TGFBR1: variants seen among roughly 807,000 people sequenced by gnomAD.
The protein encoded by TGFBR1 is transforming growth factor beta receptor 1.
In TGFBR1, 20 loss-of-function variants were observed where a neutral mutation model predicts 55.1. The observed-to-expected ratio is 0.36, with a 90% CI of 0.26 to 0.53. TGFBR1 has a LOEUF of 0.53. TGFBR1 is among the 20% of genes least tolerant of loss of function. The pLI is 0.91. For synonymous variants in TGFBR1, 220 were observed against 214.8 expected (o/e 1.02, Z -0.21); for missense variants, 385 against 617.6 (o/e 0.62, Z 3.99).
chr9:99,123,475 C>CTAAA (rs1157673369), intron 1 of TGFBR1, among the ~76,000 whole-genome samples: 1 of 151,952 alleles, frequency 6.6e-6, no homozygotes, highest in East Asian at 1.9e-4. Flanking sequence ...CAAATCAGGT[C>CTAAA]CACCTGGGAG....
chr9:99,112,308 T>C (rs2118300988), intron 1 of TGFBR1, among the ~76,000 whole-genome samples: 1 of 152,262 alleles, frequency 6.6e-6, no homozygotes, highest in East Asian at 1.9e-4. Flanking sequence ...TTGTGTGCTC[T>C]TCCCTCACAT....
At chr9:99,144,356 A>C (rs1827723838) in intron 5 of TGFBR1, among the ~76,000 whole-genome samples, 1 of 152,216 alleles carries the variant, frequency 6.6e-6, no homozygotes, top group Admixed American at 6.5e-5. Flanking sequence ...AATACTGAGT[A>C]CATTGCAGTT....
At chr9:99,128,783 T>C (rs1265932627) in intron 1 of TGFBR1, 72 bp from the exon 2 acceptor site, 1 of 1,571,914 alleles carries the variant, frequency 6.4e-7, no homozygotes, top group African/African-American at 1.3e-5. Flanking sequence ...GAATGTATTA[T>C]TAGAGTGAAT....
chr9:99,147,573 A>G, intron 7 of TGFBR1, 81 bp from the exon 8 acceptor site: 1 of 1,295,490 alleles, frequency 7.7e-7, no homozygotes, highest in Non-Finnish European at 1.1e-6. Context: ...ACACTGTAAT[A>G]GGTCTCTCAG....
intron 1 of TGFBR1, among the ~76,000 whole-genome samples, chr9:99,124,257 C>T (rs892365804): frequency 2.6e-5 from 4 of 152,136 alleles, no homozygotes; most frequent in African/African-American, 9.7e-5. Context: ...TGTTTAATGC[C>T]TTTCCCTTCC....
intron 4 of TGFBR1, among the ~76,000 whole-genome samples, chr9:99,139,289 A>G (rs553932411): frequency 1.3e-5 from 2 of 151,790 alleles, no homozygotes; most frequent in African/African-American, 4.8e-5. Flanking sequence ...TACTTCAGCA[A>G]TATTTATTTA....
chr9:99,105,601 C>T (rs947165157), intron 1 of TGFBR1, among the ~76,000 whole-genome samples: 29 of 151,762 alleles, frequency 1.9e-4, no homozygotes, highest in Admixed American at 6.5e-4. Context: ...GTCCGAGGTC[C>T]GGGGCTGCCC....
At chr9:99,110,534 A>G (rs1826537277) in intron 1 of TGFBR1, among the ~76,000 whole-genome samples, 1 of 152,238 alleles carries the variant, frequency 6.6e-6, no homozygotes, top group South Asian at 2.1e-4. Flanking sequence ...GGTTTTGATA[A>G]CATCGGCTCT....
chr9:99,116,370 A>G (rs1018681262), intron 1 of TGFBR1, among the ~76,000 whole-genome samples: 2 of 152,200 alleles, frequency 1.3e-5, no homozygotes, highest in African/African-American at 4.8e-5. Flanking sequence ...TTAGCTGTGC[A>G]TTGCAAACAG....
Position 99,144,736 on chromosome 9 carries a change from GC to G in TGFBR1, c.980del (p.Pro327GlnfsTer8). 2 of 1,613,734 alleles carry G rather than the reference GC, an allele frequency of 1.2e-6. No individual in the cohort carries two copies. The highest frequency in any genetic ancestry group is 1.7e-6 in the Non-Finnish European group (2 of 1,179,850). On this transcript the variant is annotated frameshift_variant, in exon 6 of 9. Transcript: ENST00000374994. LOFTEE classifies it high-confidence loss of function. ...GTTTAATTTTTGATTCTTTAGGAAA[GC>G]CAGCCATTGCTCATAGAGATTTGAA... ...HMEIVGTQGK[P>X]AIAHRDLKSK...
rs1324023141 is a variant in TGFBR1, at chr9:99,127,965, G to GT, written c.98-887dup. The GT allele has an allele frequency of 3.3e-5, 15 of 455,924 alleles. No individual in the cohort carries two copies. The Admixed American group carries it at 3.5e-4, about 11-fold the overall frequency. 28.2% of individuals were successfully genotyped at this position (455,924 alleles called of 1,614,324 possible). On this transcript the variant is annotated intron_variant, in intron 1 of 8. Coordinates refer to ENST00000374994, the MANE Select transcript of TGFBR1 (RefSeq NM_004612.4). ...GGTATCTGGCCTCAAGGAGTTTACA[G>GT]TTTCATAGGAGAAAGAAAAACAAAA...
intron 1 of TGFBR1, among the ~76,000 whole-genome samples, chr9:99,119,493 A>C (rs1055488963): frequency 6.6e-6 from 1 of 152,198 alleles, no homozygotes; most frequent in African/African-American, 2.4e-5. Flanking sequence ...GTAGATTATC[A>C]AGTAATCCTT....
chr9:99,144,428 A>G (rs1051328499), intron 5 of TGFBR1, among the ~76,000 whole-genome samples: 2 of 152,226 alleles, frequency 1.3e-5, no homozygotes, highest in East Asian at 1.9e-4. Context: ...GTCTATGGCT[A>G]AGTTTCTTAA....
chr9:99,111,295 CTTTTTTTTTTT>C (rs3034196), intron 1 of TGFBR1, among the ~76,000 whole-genome samples: 6 of 55,154 alleles, frequency 1.1e-4, no homozygotes, highest in African/African-American at 2.3e-4. Flanking sequence ...TGCACCCATG[CTTTTTTTTTTT>C]TTTTTTTTTT....
At position 99,153,095 on chromosome 9, in the gene TGFBR1, C is replaced by T. The variant is rs201101442; in HGVS notation, c.*3790C>T. 4 of 227,372 alleles carry T rather than the reference C, an allele frequency of 1.8e-5. No homozygotes were observed. The highest frequency in any genetic ancestry group is 1.3e-3 in the Middle Eastern group (1 of 746). 14.1% of individuals were successfully genotyped at this position (227,372 alleles called of 1,614,324 possible). ...ATACCCCTTTTTCACGTTGTGCCAA[C>T]GGAATAGGGTGTTTGATATTTCTTC... On this transcript the variant is annotated 3_prime_UTR_variant, in exon 9 of 9. Coordinates refer to ENST00000374994, the MANE Select transcript of TGFBR1 (RefSeq NM_004612.4).
intron 1 of TGFBR1, among the ~76,000 whole-genome samples, chr9:99,110,889 C>G (rs953627570): frequency 1.3e-5 from 2 of 152,216 alleles, no homozygotes; most frequent in Non-Finnish European, 2.9e-5. Context: ...TTTTCCTATA[C>G]AAATGCTCCT....
chr9:99,129,241 C>T, intron 2 of TGFBR1, 141 bp downstream of exon 2: 1 of 1,007,704 alleles, frequency 9.9e-7, no homozygotes. Context: ...TCCATTGTTA[C>T]AGACTTATAA....
At chr9:99,143,545 C>G (rs576327654) in intron 5 of TGFBR1, among the ~76,000 whole-genome samples, 1 of 152,252 alleles carries the variant, frequency 6.6e-6, no homozygotes, top group Non-Finnish European at 1.5e-5. Flanking sequence ...TGTCCACTTG[C>G]AACCCAATGG....
intron 3 of TGFBR1, among the ~76,000 whole-genome samples, 169 bp from the exon 4 acceptor site, chr9:99,137,689 CT>C (rs1827479091): frequency 6.6e-6 from 1 of 151,996 alleles, no homozygotes; most frequent in African/African-American, 2.4e-5. Flanking sequence ...TCTTATTTTC[CT>C]TTTTTAATTA....
Sources: gnomAD v4.1 joint callset for allele counts (sites outside exome capture counted in the v4.1 genomes callset) on GRCh38, gnomAD v4.1.1 for gene constraint, MANE v1.5 for transcripts, NCBI Gene and HGNC (gene_info 2026-07-23, HGNC 2026-07-21) for gene names.